The following B3GALT1 variants were observed in gnomAD, a reference collection of about 807,000 sequenced individuals.
The protein encoded by B3GALT1 is UDP-Gal:betaGlcNAc beta 1,3-galactosyltransferase, polypeptide 1.
A neutral mutation model predicts 23.2 loss-of-function variants in B3GALT1; 10 were observed. The observed-to-expected ratio is 0.43, with a 90% confidence interval of 0.27 to 0.73. The LOEUF is 0.73. B3GALT1 is among the 30% of genes least tolerant of loss of function. The pLI, the probability that B3GALT1 is intolerant of heterozygous loss-of-function variation, is 0.21. For missense variants in B3GALT1, 299 were observed against 405.4 expected, an observed-to-expected ratio of 0.74 and a Z score of 2.25; for synonymous variants, 156 against 141.5, an observed-to-expected ratio of 1.10 and a Z score of -0.73.
intron 4 of B3GALT1, among the ~76,000 whole-genome samples, chr2:167,849,697 C>G (rs78933411): frequency 3.3e-5 from 5 of 151,792 alleles, no homozygotes; most frequent in Admixed American, 3.3e-4. Context: ...ACCATCCTGG[C>G]TAACACAGTG....
chr2:167,702,074 T>G (rs989111760), intron 3 of B3GALT1, among the ~76,000 whole-genome samples: 1 of 152,224 alleles, frequency 6.6e-6, no homozygotes, highest in Non-Finnish European at 1.5e-5. Flanking sequence ...CTGTAATTCT[T>G]TTAACTAAAC....
At chr2:167,730,026 C>T (rs1292307439) in intron 3 of B3GALT1, among the ~76,000 whole-genome samples, 1 of 152,132 alleles carries the variant, frequency 6.6e-6, no homozygotes, top group Non-Finnish European at 1.5e-5. Flanking sequence ...CAGAAGGGTG[C>T]ACCACAAGCA....
intron 3 of B3GALT1, among the ~76,000 whole-genome samples, chr2:167,662,210 A>C (rs889052198): frequency 6.6e-5 from 10 of 152,144 alleles, no homozygotes; most frequent in East Asian, 1.9e-4. Flanking sequence ...TTTCCATCAC[A>C]TGAAAATATT....
At chr2:167,573,462 A>G (rs934256291) in intron 2 of B3GALT1, among the ~76,000 whole-genome samples, 1 of 151,724 alleles carries the variant, frequency 6.6e-6, no homozygotes. Context: ...TAATAGCTCA[A>G]CGGAAACCTC....
intron 3 of B3GALT1, among the ~76,000 whole-genome samples, chr2:167,647,588 A>G (rs910558875): frequency 2.8e-4 from 42 of 152,154 alleles, no homozygotes; most frequent in Middle Eastern, 3.4e-3. Flanking sequence ...TCAAATCTGT[A>G]TTTTCTGACC....
intron 1 of B3GALT1, among the ~76,000 whole-genome samples, chr2:167,486,228 G>T (rs1476680004): frequency 6.6e-6 from 1 of 151,160 alleles, no homozygotes; most frequent in Non-Finnish European, 1.5e-5. Context: ...GTGTGGTGGC[G>T]CATGCCTGTA....
intron 1 of B3GALT1, among the ~76,000 whole-genome samples, chr2:167,440,332 G>A (rs545861427): frequency 1.1e-3 from 146 of 135,870 alleles, no homozygotes; most frequent in Non-Finnish European, 2.0e-3. Context: ...GTAACAGAGC[G>A]AGACTCTGTC....
intron 3 of B3GALT1, among the ~76,000 whole-genome samples, chr2:167,754,061 G>A (rs187766235): frequency 6.6e-5 from 10 of 152,306 alleles, no homozygotes; most frequent in African/African-American, 1.9e-4. Context: ...TATTGGCAAT[G>A]TAAATATTCC....
At chr2:167,563,179 AG>A (rs1684049681) in intron 2 of B3GALT1, among the ~76,000 whole-genome samples, 1 of 151,600 alleles carries the variant, frequency 6.6e-6, no homozygotes. Context: ...CCTCCCAGAC[AG>A]GGTGGTGGCC....
chr2:167,633,703 A>G (rs1480867259), intron 2 of B3GALT1, among the ~76,000 whole-genome samples: 1 of 152,102 alleles, frequency 6.6e-6, no homozygotes, highest in African/African-American at 2.4e-5. Flanking sequence ...TTAGAGACCT[A>G]CAAAGAGACT....
At position 167,701,962 on chromosome 2, in the gene B3GALT1, GGCGTGTCAGCTACCGCCC is replaced by G. The variant is rs372586855; in HGVS notation, c.-352+54997_-352+55014del. 9.9e-5 allele frequency among the ~76,000 whole-genome samples: 15 copies of G among 152,280 alleles called. 1 individual carries two copies. Among genetic ancestry groups the G allele is most frequent in the African/African-American group, 3.4e-4 (14 of 41,562 alleles). On this transcript the variant is annotated intron_variant, in intron 3 of 4. Coordinates refer to ENST00000392690, the MANE Select transcript of B3GALT1 (RefSeq NM_020981.4). The stretch of plus-strand genomic sequence containing the variant: ...TTTCAAATTATGCCCACTAAAATTT[GGCGTGTCAGCTACCGCCC>G]TGAGTTAAGTTTGAGTTTTAAAAGA...
At chr2:167,320,584 A>T (rs2105492575) in intron 1 of B3GALT1, among the ~76,000 whole-genome samples, 1 of 152,140 alleles carries the variant, frequency 6.6e-6, no homozygotes, top group African/African-American at 2.4e-5. Context: ...TTAAAGAATA[A>T]AAGCCACTAT....
chr2:167,605,740 AGGCACTCT>A lies in B3GALT1; in HGVS notation c.-409-41166_-409-41159del, dbSNP rs1197246459. ...TACTGCATCTTTATTTTATTGTTCCAGGCACTCTGGTAGGTACTTTATATCTTTATCTT... is the reference window on the plus strand; with the variant it reads ...TACTGCATCTTTATTTTATTGTTCCAGGTAGGTACTTTATATCTTTATCTT... On this transcript the variant is annotated intron_variant, in intron 2 of 4. Coordinates refer to ENST00000392690, the MANE Select transcript of B3GALT1 (RefSeq NM_020981.4). Among the ~76,000 whole-genome samples, 9 of 152,310 alleles carry A rather than the reference AGGCACTCT, an allele frequency of 5.9e-5. No homozygotes were observed. The East Asian group carries it at 1.5e-3, about 26-fold the overall frequency.
intron 1 of B3GALT1, among the ~76,000 whole-genome samples, chr2:167,445,308 G>C (rs537740077): frequency 6.6e-6 from 1 of 152,314 alleles, no homozygotes; most frequent in South Asian, 2.1e-4. Flanking sequence ...TTTGGAATAA[G>C]TGCGATGTGG....
Position 167,869,778 on chromosome 2 carries a change from G to A in B3GALT1, c.739G>A (p.Val247Ile), listed in dbSNP as rs1409472627. Reference protein sequence around the residue: ...SGTGYIFSADVAELIYKTSLH... With the variant: ...SGTGYIFSADIAELIYKTSLH... Reference sequence around the variant, plus strand: ...GACTGGCTACATCTTTTCAGCCGATGTAGCTGAACTCATTTACAAGACCTC... The same window carrying A: ...GACTGGCTACATCTTTTCAGCCGATATAGCTGAACTCATTTACAAGACCTC... The change falls in exon 5 of 5, where the codon GTA (valine) becomes ATA (isoleucine). Residue 247 changes from valine (V) to isoleucine (I), a missense_variant. Val to Ile is a conservative substitution (Grantham distance 29, BLOSUM62 3). Around this residue, in one of 3 missense-constraint regions of B3GALT1, gnomAD observed 133 missense variants for 204.8 expected, o/e 0.65. Transcript: ENST00000392690. The surrounding 1 kb of genome is among the most constrained non-coding windows in gnomAD (Gnocchi z 6.4). 3.7e-6 allele frequency: 6 copies of A among 1,614,046 alleles called. No individual in the cohort carries two copies. The highest frequency in any genetic ancestry group is 1.3e-5 in the African/African-American group (1 of 74,914).
chr2:167,419,250 A>G (rs1698513035), intron 1 of B3GALT1, among the ~76,000 whole-genome samples: 1 of 152,218 alleles, frequency 6.6e-6, no homozygotes, highest in African/African-American at 2.4e-5. Context: ...TTATTACACA[A>G]AAAGACAACT....
At chr2:167,562,277 C>T (rs1341524568) in intron 2 of B3GALT1, among the ~76,000 whole-genome samples, 1 of 152,208 alleles carries the variant, frequency 6.6e-6, no homozygotes, top group African/African-American at 2.4e-5. Context: ...TAAAAACTCT[C>T]AATACATTAG....
At chr2:167,343,812 A>G (rs1403901) in intron 1 of B3GALT1, among the ~76,000 whole-genome samples, 132,212 of 152,074 alleles carry the variant, frequency 0.87, 57,686 homozygotes, top group Middle Eastern at 0.93. Flanking sequence ...TTCAGGTTTT[A>G]GTTCTCTTTT....
At chr2:167,360,396 T>C (rs548100766) in intron 1 of B3GALT1, among the ~76,000 whole-genome samples, 6 of 152,310 alleles carry the variant, frequency 3.9e-5, no homozygotes, top group Admixed American at 1.3e-4. Context: ...TCATTTACTT[T>C]TGTTGTAGAA....
Sources: allele counts gnomAD v4.1 joint callset (sites outside exome capture counted in the v4.1 genomes callset), GRCh38; gene constraint gnomAD v4.1.1; regional missense constraint gnomAD v4.1.1; non-coding constraint Gnocchi (gnomAD v3.1); transcripts MANE v1.5; gene names NCBI Gene and HGNC (gene_info 2026-07-23, HGNC 2026-07-21).